PRKD3: variants seen among roughly 807,000 people sequenced by gnomAD.
PRKD3 encodes protein kinase D3.
Under a neutral mutation model 99.2 loss-of-function variants are expected in PRKD3, and 47 were observed. That is an observed-to-expected ratio of 0.47 (90% CI 0.38 to 0.60). The LOEUF (loss-of-function observed/expected upper bound fraction) is 0.60. PRKD3 is among the 20% of genes least tolerant of loss of function. PRKD3 has a pLI of 0.00. For synonymous variants in PRKD3, 392 were observed against 355.4 expected, an observed-to-expected ratio of 1.10 and a Z score of -1.16; for missense variants, 1,019 against 1,088.4, an observed-to-expected ratio of 0.94 and a Z score of 0.90.
intron 4 of PRKD3, among the ~76,000 whole-genome samples, 156 bp from the exon 5 acceptor site, chr2:37,289,669 A>C (rs1036567111): frequency 6.6e-6 from 1 of 152,218 alleles, no homozygotes; most frequent in African/African-American, 2.4e-5. Context: ...GTGGAAGCTA[A>C]TGAATTCAAG....
In PRKD3 at chr2:37,288,116, C is replaced by T. The variant is rs540078993; in HGVS notation, c.717+1240G>A. Among the ~76,000 whole-genome samples the T allele has an allele frequency of 2.6e-5, 4 of 152,304 alleles. No homozygotes were observed. The South Asian group carries it at 8.3e-4, about 32-fold the overall frequency. ...CACCTTATCCACTTGCTCTGTCCTT[C>T]TGCTATTTCCTAATCTAGTAATACT... On this transcript the variant is annotated intron_variant, in intron 5 of 18. Transcript: ENST00000234179.
At chr2:37,255,140 GGAGGTC>G (rs1425005734) in intron 17 of PRKD3, among the ~76,000 whole-genome samples, 1 of 152,152 alleles carries the variant, frequency 6.6e-6, no homozygotes, top group Non-Finnish European at 1.5e-5. Flanking sequence ...CACTGCCTCA[GGAGGTC>G]TGAGATAACA....
chr2:37,303,934 A>T (rs1328964870), intron 2 of PRKD3, among the ~76,000 whole-genome samples: 1 of 152,202 alleles, frequency 6.6e-6, no homozygotes, highest in Admixed American at 6.5e-5. Flanking sequence ...GATACAGAAT[A>T]TTATCAGCAT....
In PRKD3 at chr2:37,253,178, T is replaced by A; in HGVS notation, c.2672A>T (p.Ter891LeuextTer4). Residue 891 changes from the stop codon to leucine, a stop_lost, in exon 19 of 19, where the codon TAA becomes TTA. Transcript: ENST00000234179. ...PNPDDMEEDP[*>L] ...TCCTTATTTAGGTTAGCTCAGTGAT[T>A]AAGGATCTTCTTCCATATCATCTGG... 6.3e-7 allele frequency: 1 copy of A among 1,599,984 alleles called. No individual in the cohort carries two copies. Among genetic ancestry groups the A allele is most frequent in the Non-Finnish European group, 8.5e-7 (1 of 1,171,640 alleles).
At position 37,251,921 on chromosome 2, in the gene PRKD3, A is replaced by C. The variant is rs1173532270; in HGVS notation, c.*1256T>G. 2.6e-5 allele frequency: 4 copies of C among 152,222 alleles called. No individual in the cohort carries two copies. Among genetic ancestry groups the C allele is most frequent in the African/African-American group, 9.7e-5 (4 of 41,450 alleles). The allele number at this position is 152,222 out of a possible 1,614,324, so 9.4% of individuals were successfully genotyped here. On this transcript the variant is annotated 3_prime_UTR_variant, in exon 19 of 19. Coordinates refer to ENST00000234179, the MANE Select transcript of PRKD3 (RefSeq NM_005813.6). ...TACAATGATTACTGAGAAATGAAGAAATAAGCCACTGTTTCTTACAAGTAG... is the reference window on the plus strand; with the variant it reads ...TACAATGATTACTGAGAAATGAAGACATAAGCCACTGTTTCTTACAAGTAG...
rs1558538020 is a variant in PRKD3, at chr2:37,269,645, C to G, written c.1747G>C (p.Gly583Arg). 6.2e-7 allele frequency: 1 copy of G among 1,613,168 alleles called. No individual in the cohort carries two copies. The highest frequency in any genetic ancestry group is 8.5e-7 in the Non-Finnish European group (1 of 1,179,158). ...VYQIFADEVL[G>R]SGQFGIVYGG... ...TAAACGATGCCAAACTGGCCTGAAC[C>G]AAGCACCTCATCTGCAAAGATCTGG... Residue 583 changes from glycine (G) to arginine (R), a missense_variant, in exon 13 of 19, where the codon GGT (glycine) becomes CGT (arginine). Around this residue, in one of 3 missense-constraint regions of PRKD3, gnomAD observed 184 missense variants for 275.1 expected, o/e 0.67. Coordinates refer to ENST00000234179, the MANE Select transcript of PRKD3 (RefSeq NM_005813.6).
chr2:37,272,334 T>A (rs778770616), intron 12 of PRKD3, 46 bp downstream of exon 12: 2 of 1,591,254 alleles, frequency 1.3e-6, no homozygotes, highest in East Asian at 2.3e-5. Context: ...TTTATTTTCC[T>A]TATTTTAATC....
At chr2:37,257,064 A>C in intron 16 of PRKD3, 135 bp from the exon 17 acceptor site, 1 of 1,006,938 alleles carries the variant, frequency 9.9e-7, no homozygotes, top group Non-Finnish European at 1.4e-6. Flanking sequence ...ATCACAGATA[A>C]GGAAATTGTA....
chr2:37,306,770 T>C (rs1391745509), intron 2 of PRKD3, among the ~76,000 whole-genome samples: 4 of 152,206 alleles, frequency 2.6e-5, no homozygotes, highest in East Asian at 3.9e-4. Context: ...GATCATGCCA[T>C]TGCACCCCAG....
Position 37,293,287 on chromosome 2 carries a change from C to T in PRKD3, c.289-16G>A. On this transcript the variant is annotated splice_polypyrimidine_tract_variant and intron_variant, in intron 2 of 18. Transcript: ENST00000234179. ...ACTCTGGAAACTGAGGGATAATAGTCCTATATCAGTATGACCACAGTTTTC... is the reference window on the plus strand; with the variant it reads ...ACTCTGGAAACTGAGGGATAATAGTTCTATATCAGTATGACCACAGTTTTC... The T allele has an allele frequency of 1.3e-6, 2 of 1,560,160 alleles. No individual in the cohort carries two copies. The highest frequency in any genetic ancestry group is 1.8e-6 in the Non-Finnish European group (2 of 1,140,766).
chr2:37,253,015 T>G lies in PRKD3; in HGVS notation c.*162A>C. On this transcript the variant is annotated 3_prime_UTR_variant, in exon 19 of 19. Coordinates refer to ENST00000234179, the MANE Select transcript of PRKD3 (RefSeq NM_005813.6). ...ACTTCTTATTATTCAGTTTCCCGCC[T>G]GTACCTACTCATTATGAACTACAGT... 1.7e-6 allele frequency: 1 copy of G among 601,024 alleles called. No individual in the cohort carries two copies. 37.2% of individuals were successfully genotyped at this position (601,024 alleles called of 1,614,324 possible). A position where few individuals can be genotyped will look rare whatever the true frequency, so the allele number is the denominator to read the frequency against.
At chr2:37,264,389 G>A (rs1437746202) in intron 14 of PRKD3, among the ~76,000 whole-genome samples, 1 of 152,080 alleles carries the variant, frequency 6.6e-6, no homozygotes, top group East Asian at 1.9e-4. Flanking sequence ...ACTTGACAAA[G>A]ATGCCTTGTC....
rs1671651168 is a variant in PRKD3, at chr2:37,316,281, A to C, written c.244T>G (p.Leu82Val). ...SVTIEAQELS[L>V]SAVKDLVCSI... ...CACACAAGATCCTTGACAGCAGATA[A>C]AGACAGTTCCTGGGCTTCAATGGTA... is the stretch of plus-strand genomic sequence containing the variant. Residue 82 changes from leucine to valine, a missense_variant, in exon 2 of 19, where the codon TTA becomes GTA. Coordinates refer to ENST00000234179, the MANE Select transcript of PRKD3 (RefSeq NM_005813.6). 1 of 1,614,102 alleles carries C rather than the reference A, an allele frequency of 6.2e-7. No individual in the cohort carries two copies. The highest frequency in any genetic ancestry group is 1.1e-5 in the South Asian group (1 of 91,078).
chr2:37,272,288 G>A (rs1669317159), intron 12 of PRKD3, 92 bp downstream of exon 12: 4 of 1,540,846 alleles, frequency 2.6e-6, no homozygotes, highest in Admixed American at 2.1e-5. Context: ...AGTACTTTGG[G>A]CGATGAACCA....
intron 9 of PRKD3, 60 bp from the exon 10 acceptor site, chr2:37,275,904 A>C: frequency 6.5e-7 from 1 of 1,545,214 alleles, no homozygotes; most frequent in Non-Finnish European, 8.7e-7. Flanking sequence ...AAGTGCTTGT[A>C]CCTAACTTTT....
At chr2:37,255,151 A>G (rs1169409484) in intron 17 of PRKD3, among the ~76,000 whole-genome samples, 1 of 152,234 alleles carries the variant, frequency 6.6e-6, no homozygotes, top group Non-Finnish European at 1.5e-5. Flanking sequence ...GAGGTCTGAG[A>G]TAACACTGGT....
chr2:37,279,826 T>C lies in PRKD3; in HGVS notation c.1092A>G (p.Ser364=). 1 of 1,613,832 alleles carries C rather than the reference T, an allele frequency of 6.2e-7. No homozygotes were observed. Among genetic ancestry groups the C allele is most frequent in the Non-Finnish European group, 8.5e-7 (1 of 1,179,896 alleles). ...AGAAGAACATCTTATCTTCTGGGGG[T>C]GATGGCTCTTCTGTGTCATCCAAAC... is the stretch of plus-strand genomic sequence containing the variant. ...SRGLDDTEEP[S]PPEDKMFFLD... Residue 364 remains serine, a synonymous_variant, in exon 8 of 19, where the codon TCA becomes TCG. Transcript: ENST00000234179.
intron 3 of PRKD3, among the ~76,000 whole-genome samples, chr2:37,292,415 G>A (rs1192892941): frequency 2.0e-5 from 3 of 150,392 alleles, no homozygotes; most frequent in East Asian, 2.0e-4. Context: ...GTGCGATCTC[G>A]GCTCACTGCA....
chr2:37,310,015 G>C (rs1671353835), intron 2 of PRKD3, among the ~76,000 whole-genome samples: 1 of 152,218 alleles, frequency 6.6e-6, no homozygotes, highest in Middle Eastern at 3.4e-3. Flanking sequence ...ACCAATAAAA[G>C]GAGAATTAGT....
Sources: gnomAD v4.1 joint callset for allele counts (sites outside exome capture counted in the v4.1 genomes callset) on GRCh38, gnomAD v4.1.1 for gene constraint, gnomAD v4.1.1 regional missense constraint, MANE v1.5 for transcripts, NCBI Gene and HGNC (gene_info 2026-07-23, HGNC 2026-07-21) for gene names.